The following LAMA5 variants were observed in gnomAD, a reference collection of about 807,000 sequenced individuals.
LAMA5 encodes laminin subunit alpha-5.
LAMA5 carries 260 observed loss-of-function variants against 433.4 expected under a neutral mutation model. The observed-to-expected ratio is 0.60, with a 90% CI of 0.54 to 0.66. The LOEUF (loss-of-function observed/expected upper bound fraction) is 0.66, where lower values mean the gene tolerates loss of function less well. LAMA5 is among the 30% of genes least tolerant of loss of function. The probability of loss-of-function intolerance (pLI) is 0.00; values close to 1 mark genes in which losing one functional copy is unlikely to be tolerated. For synonymous variants in LAMA5, 2,620 were observed against 2,226.6 expected, an observed-to-expected ratio of 1.18 and a Z score of -4.97; for missense variants, 5,378 against 5,258.5, an observed-to-expected ratio of 1.02 and a Z score of -0.70.
Position 62,311,389 on chromosome 20 carries a change from T to C in LAMA5, c.9942+12A>G. On this transcript the variant is annotated intron_variant, in intron 72 of 79. Transcript: ENST00000252999. ...CACCCCAGCTCTGCCTGCTCACCCC[T>C]GGGGTGCCCACCTTCCGGGCGGTGG... 6.5e-7 allele frequency: 1 copy of C among 1,549,562 alleles called. No individual in the cohort carries two copies.
Position 62,310,267 on chromosome 20 carries a change from C to T in LAMA5, c.10645G>A (p.Val3549Met), listed in dbSNP as rs771060031. 5.6e-6 allele frequency: 9 copies of T among 1,611,506 alleles called. No individual in the cohort carries two copies. The African/African-American group carries it at 8.0e-5, about 14-fold the overall frequency. ...AGTCCGGTGACTGCCAGGGGCCGCACCTCCAGTTCCAGGCCCACATCAGGC... is the reference window on the plus strand; with the variant it reads ...AGTCCGGTGACTGCCAGGGGCCGCATCTCCAGTTCCAGGCCCACATCAGGC... ...TLPDVGLELE[V>M]RPLAVTGLIF... The change falls in exon 77 of 80, where the codon GTG (valine) becomes ATG (methionine). Residue 3549 changes from valine (V) to methionine (M), a missense_variant. By Grantham distance (21) the Val-to-Met change is conservative. Transcript: ENST00000252999.
Position 62,337,863 on chromosome 20 carries a change from T to C in LAMA5, c.1967A>G (p.Tyr656Cys), listed in dbSNP as rs1001614055. The change falls in exon 15 of 80, where the codon TAC becomes TGC. Residue 656 changes from tyrosine to cysteine, a missense_variant. By Grantham distance (194) the Tyr-to-Cys change is radical. Coordinates refer to ENST00000252999, the MANE Select transcript of LAMA5 (RefSeq NM_005560.6). ...AGGLCRCRPG[Y>C]TGTACQECSP... ...GCATTCCTGGCAGGCAGTGCCTGTGTAGCCGGGGCGGCAGCGGCACAAACC... is the reference window on the plus strand; with the variant it reads ...GCATTCCTGGCAGGCAGTGCCTGTGCAGCCGGGGCGGCAGCGGCACAAACC... 6.2e-7 allele frequency: 1 copy of C among 1,612,570 alleles called. No individual in the cohort carries two copies. Among genetic ancestry groups the C allele is most frequent in the Non-Finnish European group, 8.5e-7 (1 of 1,179,926 alleles).
At position 62,324,699 on chromosome 20, in the gene LAMA5, T is replaced by TG. The variant is rs1601327680; in HGVS notation, c.5530-146dup. 3.2e-6 allele frequency: 2 copies of TG among 627,744 alleles called. No homozygotes were observed. Among genetic ancestry groups the TG allele is most frequent in the Non-Finnish European group, 5.8e-6 (2 of 345,242 alleles). 38.9% of individuals were successfully genotyped at this position (627,744 alleles called of 1,614,324 possible). A position where few individuals can be genotyped will look rare whatever the true frequency, so the allele number is the denominator to read the frequency against. ...GCATGGTCACCGCTGGGTCAGAGGC[T>TG]GGTCAGGAACTCCTGGCCTCGGCCG... On this transcript the variant is annotated intron_variant, in intron 41 of 79. Coordinates refer to ENST00000252999, the MANE Select transcript of LAMA5 (RefSeq NM_005560.6). The surrounding 1 kb of genome is among the most constrained non-coding windows in gnomAD (Gnocchi z 4.4).
At chr20:62,323,702 G>T in intron 44 of LAMA5, 32 bp from the exon 45 acceptor site, 1 of 1,592,492 alleles carries the variant, frequency 6.3e-7, no homozygotes, top group Non-Finnish European at 8.6e-7. Context: ...GCCGTCAGTG[G>T]CCCGTGGCGC....
intron 1 of LAMA5, among the ~76,000 whole-genome samples, 178 bp from the exon 2 acceptor site, chr20:62,362,730 G>T (rs578228795): frequency 2.0e-5 from 3 of 152,180 alleles, no homozygotes; most frequent in Non-Finnish European, 4.4e-5. Context: ...CTGCTCCTCC[G>T]ACTCAGGGGA....
At position 62,329,059 on chromosome 20, in the gene LAMA5, C is replaced by T; in HGVS notation, c.4236-4G>A. ...GAACAGGGATGAGCTGCTGGGGCTA[C>T]ATGGAGGGGCACGTGGTGAGGCCAG... On this transcript the variant is annotated splice_region_variant and splice_polypyrimidine_tract_variant and intron_variant, in intron 33 of 79. Transcript: ENST00000252999. 1 of 1,612,696 alleles carries T rather than the reference C, an allele frequency of 6.2e-7. No homozygotes were observed. The highest frequency in any genetic ancestry group is 8.5e-7 in the Non-Finnish European group (1 of 1,179,850).
rs2890083 is a variant in LAMA5 at position 62,336,902 on chromosome 20, G to A, written c.2165-116C>T. The A allele has an allele frequency of 0.62, 605,095 of 977,892 alleles. 197,347 individuals are homozygous for A. The highest frequency in any genetic ancestry group is 0.78 in the East Asian group (30,392 of 38,986). The allele number at this position is 977,892 out of a possible 1,614,324, so 60.6% of individuals were successfully genotyped here. A position where few individuals can be genotyped will look rare whatever the true frequency, so the allele number is the denominator to read the frequency against. On this transcript the variant is annotated intron_variant, in intron 16 of 79. Transcript: ENST00000252999. Reference sequence around the variant, plus strand: ...ACAGGAGCTGAGGACCAGCACAGGTGCCTCTCATCCACATGGACGGCCTGA... The same window carrying A: ...ACAGGAGCTGAGGACCAGCACAGGTACCTCTCATCCACATGGACGGCCTGA...
chr20:62,317,052 G>T, intron 55 of LAMA5, 29 bp from the exon 56 acceptor site: 1 of 1,508,888 alleles, frequency 6.6e-7, no homozygotes, highest in Non-Finnish European at 8.9e-7. Context: ...TCGAAGGAGT[G>T]GGTAAGCGCA....
chr20:62,314,976 C>G, intron 59 of LAMA5, 29 bp from the exon 60 acceptor site: 1 of 1,578,730 alleles, frequency 6.3e-7, no homozygotes, highest in South Asian at 1.1e-5. Context: ...GAGACCTTTG[C>G]CCCCCACCGT....
At chr20:62,361,579 G>T (rs1242149976) in intron 2 of LAMA5, among the ~76,000 whole-genome samples, 1 of 152,240 alleles carries the variant, frequency 6.6e-6, no homozygotes, top group Non-Finnish European at 1.5e-5. Flanking sequence ...TCACACACTG[G>T]GACTGGGGCA....
rs1419884103 is a variant in LAMA5 at position 62,367,283 on chromosome 20, C to A, written c.-38G>T. The A allele has an allele frequency of 1.2e-5, 14 of 1,141,508 alleles. No individual in the cohort carries two copies. Among genetic ancestry groups the A allele is most frequent in the Non-Finnish European group, 1.5e-5 (14 of 930,672 alleles). The allele number at this position is 1,141,508 out of a possible 1,614,324, so 70.7% of individuals were successfully genotyped here. A position where few individuals can be genotyped will look rare whatever the true frequency, so the allele number is the denominator to read the frequency against. On this transcript the variant is annotated 5_prime_UTR_variant, in exon 1 of 80. Transcript: ENST00000252999. ...GGGCCGCGTCCCCGAGCTCCAGGGACAGCGCGCGCGGCGGGAGCCCGGCGG... is the reference window on the plus strand; with the variant it reads ...GGGCCGCGTCCCCGAGCTCCAGGGAAAGCGCGCGCGGCGGGAGCCCGGCGG...
chr20:62,316,240 T>C, intron 57 of LAMA5, 182 bp from the exon 58 acceptor site: 2 of 597,584 alleles, frequency 3.3e-6, no homozygotes, highest in Non-Finnish European at 6.0e-6. Context: ...GTAGCCTCTG[T>C]TCCCTGAAGG....
In LAMA5 at chr20:62,334,249, GC is replaced by G. The variant is rs762447201; in HGVS notation, c.2675del (p.Gly892AlafsTer29). On this transcript the variant is annotated frameshift_variant, in exon 22 of 80. Coordinates refer to ENST00000252999, the MANE Select transcript of LAMA5 (RefSeq NM_005560.6). LOFTEE classifies it high-confidence loss of function. ...ATPEGHAVRF[G>X]FNPLEFENFS... ...AGTTCTCGAACTCGAGGGGGTTGAA[GC>G]CAAAGCGCACGGCGTGACCCTCAGG... 3 of 1,612,820 alleles carry G rather than the reference GC, an allele frequency of 1.9e-6. No homozygotes were observed. The African/African-American group carries it at 4.0e-5, about 22-fold the overall frequency.
chr20:62,356,795 G>A (rs987451763), intron 2 of LAMA5, among the ~76,000 whole-genome samples: 1 of 152,106 alleles, frequency 6.6e-6, no homozygotes, highest in East Asian at 1.9e-4. Context: ...AGGGGCATCA[G>A]GATAAAATGC....
chr20:62,316,857 G>A (rs1463440847), intron 56 of LAMA5, 25 bp downstream of exon 56: 1 of 1,535,046 alleles, frequency 6.5e-7, no homozygotes, highest in Non-Finnish European at 8.8e-7. Flanking sequence ...TCCTGCTGGG[G>A]CTGAGGGGAA....
intron 53 of LAMA5, among the ~76,000 whole-genome samples, 170 bp from the exon 54 acceptor site, chr20:62,317,948 G>T (rs1192163363): frequency 3.0e-5 from 1 of 33,636 alleles, no homozygotes. Flanking sequence ...GAAGGAGGAG[G>T]ATGGAGGGGT....
intron 75 of LAMA5, 39 bp from the exon 76 acceptor site, chr20:62,310,611 A>T: frequency 3.8e-6 from 6 of 1,580,070 alleles, no homozygotes; most frequent in Non-Finnish European, 5.1e-6. Context: ...GGCCCAGGGC[A>T]GCTGAAAGGG....
At chr20:62,320,975 TG>T in intron 48 of LAMA5, 85 bp from the exon 49 acceptor site, 11 of 1,445,372 alleles carry the variant, frequency 7.6e-6, no homozygotes, top group Non-Finnish European at 1.0e-5. Flanking sequence ...GTCATTAGGG[TG>T]GGGAGGGCTC....
At chr20:62,321,916 G>A (rs1987859466) in intron 48 of LAMA5, 103 bp downstream of exon 48, 10 of 1,179,456 alleles carry the variant, frequency 8.5e-6, no homozygotes, top group Admixed American at 1.7e-5. Flanking sequence ...AAGGCAGCTG[G>A]GACCACTCTG....
Sources: gnomAD v4.1 joint callset for allele counts (sites outside exome capture counted in the v4.1 genomes callset) on GRCh38, gnomAD v4.1.1 for gene constraint, Gnocchi (gnomAD v3.1) non-coding constraint, MANE v1.5 for transcripts, NCBI Gene and HGNC (gene_info 2026-07-23, HGNC 2026-07-21) for gene names.